Variants in RNF38 observed in about 807,000 individuals in gnomAD.
RNF38 encodes the protein ring finger protein 38.
In RNF38, 15 loss-of-function variants were observed where a neutral mutation model predicts 67.2. The ratio of observed to expected loss-of-function variants is 0.22; its 90% CI spans 0.15 to 0.34. The LOEUF (loss-of-function observed/expected upper bound fraction) is 0.34, where lower values mean the gene tolerates loss of function less well. RNF38 is among the 10% of genes least tolerant of loss of function. The pLI, the probability that RNF38 is intolerant of heterozygous loss-of-function variation, is 1.00. For synonymous variants in RNF38, 220 were observed against 218.8 expected (o/e 1.01, Z -0.05); for missense variants, 524 against 639.9 (o/e 0.82, Z 1.95).
intron 1 of RNF38, among the ~76,000 whole-genome samples, chr9:36,425,593 C>T (rs183853846): frequency 2.6e-5 from 4 of 152,024 alleles, no homozygotes; most frequent in Admixed American, 1.3e-4. Flanking sequence ...AATAGGGAGG[C>T]TGAGGAAGGA....
At chr9:36,471,943 TG>T (rs1263252046) in intron 1 of RNF38, among the ~76,000 whole-genome samples, 15 of 152,234 alleles carry the variant, frequency 9.9e-5, no homozygotes, top group Non-Finnish European at 2.2e-4. Context: ...CTTTGCTTCT[TG>T]GATTTGTTTG....
intron 1 of RNF38, among the ~76,000 whole-genome samples, chr9:36,395,645 T>C (rs1352113012): frequency 1.3e-5 from 2 of 152,320 alleles, no homozygotes; most frequent in East Asian, 3.9e-4. Flanking sequence ...TTGGAAGTAA[T>C]TAGGTAGATT....
At chr9:36,367,566 GTTA>G (rs1317495294) in intron 4 of RNF38, among the ~76,000 whole-genome samples, 8 of 150,542 alleles carry the variant, frequency 5.3e-5, no homozygotes, top group African/African-American at 1.5e-4. Context: ...ATTCCAACAG[GTTA>G]TTCTTTTTTC....
intron 11 of RNF38, among the ~76,000 whole-genome samples, chr9:36,341,793 AATATATATATATATATATATATATATAT>A (rs1193028456): frequency 1.2e-3 from 25 of 20,926 alleles, no homozygotes; most frequent in African/African-American, 2.5e-3. Flanking sequence ...CCTGTTTCAA[AATATATATATATATATATATATATATAT>A]ATATATATAT....
rs371252582 is a variant in RNF38, at chr9:36,387,045, C to T, written c.162+3422G>A. On this transcript the variant is annotated intron_variant, in intron 2 of 11. Transcript: ENST00000259605. Reference sequence around the variant, plus strand: ...CTCGAACTCCTGACCTCAAGTGATCCACCTGCTTCGGCCTCCCAAATTGCT... The same window carrying T: ...CTCGAACTCCTGACCTCAAGTGATCTACCTGCTTCGGCCTCCCAAATTGCT... Among the ~76,000 whole-genome samples the T allele has an allele frequency of 7.4e-4, 113 of 152,310 alleles. 2 individuals are homozygous for T. The South Asian group carries it at 0.022, about 30-fold the overall frequency.
intron 1 of RNF38, among the ~76,000 whole-genome samples, chr9:36,394,325 G>A (rs1042770889): frequency 6.6e-6 from 1 of 152,018 alleles, no homozygotes; most frequent in Admixed American, 6.6e-5. Context: ...AGACCCTGGG[G>A]GCCCAGCAGC....
chr9:36,384,867 T>C (rs943839555), intron 2 of RNF38, among the ~76,000 whole-genome samples: 3 of 152,200 alleles, frequency 2.0e-5, no homozygotes, highest in Admixed American at 6.5e-5. Flanking sequence ...AACAATGCAT[T>C]TGGCCCAGGA....
At chr9:36,390,026 C>T (rs914300312) in intron 2 of RNF38, among the ~76,000 whole-genome samples, 1 of 152,138 alleles carries the variant, frequency 6.6e-6, no homozygotes, top group African/African-American at 2.4e-5. Flanking sequence ...CTCACGTTTA[C>T]CCACAGGTAA....
intron 2 of RNF38, among the ~76,000 whole-genome samples, chr9:36,378,837 AAAG>A (rs1299490869): frequency 6.6e-6 from 1 of 152,186 alleles, no homozygotes; most frequent in Admixed American, 6.5e-5. Flanking sequence ...TGATGGTGAC[AAAG>A]AAGAGACAAA....
chr9:36,422,991 AT>A (rs977186651), intron 2 of RNF38, among the ~76,000 whole-genome samples: 1 of 152,234 alleles, frequency 6.6e-6, no homozygotes, highest in African/African-American at 2.4e-5. Flanking sequence ...GGATACTAGC[AT>A]AACACACTTA....
At chr9:36,455,083 A>G (rs1554698858) in intron 1 of RNF38, among the ~76,000 whole-genome samples, 1 of 151,324 alleles carries the variant, frequency 6.6e-6, no homozygotes, top group Non-Finnish European at 1.5e-5. Context: ...TTTCTGAGAC[A>G]CAGTCTCATT....
chr9:36,343,238 T>A (rs1563992828), intron 10 of RNF38, among the ~76,000 whole-genome samples: 1 of 152,226 alleles, frequency 6.6e-6, no homozygotes, highest in Non-Finnish European at 1.5e-5. Context: ...AAACATTTTG[T>A]GCTTCAAAGG....
At chr9:36,463,458 A>AACGT (rs1315771780) in intron 1 of RNF38, among the ~76,000 whole-genome samples, 1 of 152,204 alleles carries the variant, frequency 6.6e-6, no homozygotes, top group Non-Finnish European at 1.5e-5. Context: ...CAATGATCTA[A>AACGT]ACGTAGGCCT....
At chr9:36,417,266 G>T (rs2134219787) in intron 2 of RNF38, among the ~76,000 whole-genome samples, 2 of 152,268 alleles carry the variant, frequency 1.3e-5, no homozygotes, top group South Asian at 4.1e-4. Context: ...ATTTCAAAGG[G>T]TCTGTGAATA....
intron 3 of RNF38, chr9:36,372,430 G>T: frequency 3.3e-6 from 2 of 606,558 alleles, no homozygotes; most frequent in Non-Finnish European, 6.0e-6. Context: ...TTGTTTTATT[G>T]CATTTATTAA....
At chr9:36,412,699 G>T (rs1197011111) in intron 2 of RNF38, among the ~76,000 whole-genome samples, 1 of 152,224 alleles carries the variant, frequency 6.6e-6, no homozygotes, top group Admixed American at 6.5e-5. Context: ...CAGCACTTTG[G>T]GATGCCGAGG....
chr9:36,427,137 C>G (rs1489479388), intron 1 of RNF38, among the ~76,000 whole-genome samples: 2 of 152,212 alleles, frequency 1.3e-5, no homozygotes, highest in African/African-American at 4.8e-5. Context: ...ACATAATAGG[C>G]TCCCTAATTT....
intron 6 of RNF38, 33 bp downstream of exon 6, chr9:36,356,270 T>G: frequency 6.2e-7 from 1 of 1,607,330 alleles, no homozygotes. Flanking sequence ...AGTTAAAAAC[T>G]AAACATTCTG....
intron 1 of RNF38, among the ~76,000 whole-genome samples, chr9:36,464,471 T>C (rs565226700): frequency 5.9e-5 from 9 of 151,682 alleles, no homozygotes; most frequent in Non-Finnish European, 1.2e-4. Flanking sequence ...CTCAGGAGGC[T>C]GAGGCAGGAG....
Sources: allele counts gnomAD v4.1 joint callset (sites outside exome capture counted in the v4.1 genomes callset), GRCh38; gene constraint gnomAD v4.1.1; transcripts MANE v1.5; gene names NCBI Gene and HGNC (gene_info 2026-07-23, HGNC 2026-07-21).